THSD7A: variants seen among roughly 807,000 people sequenced by gnomAD.
The protein encoded by THSD7A is thrombospondin type-1 domain-containing protein 7A.
Under a neutral mutation model 231.3 loss-of-function variants are expected in THSD7A, and 96 were observed. That is an observed-to-expected ratio of 0.41 (90% CI 0.35 to 0.49). THSD7A has a LOEUF of 0.49. THSD7A is among the 20% of genes least tolerant of loss of function. The pLI is 0.05. For synonymous variants in THSD7A, 940 were observed against 743.3 expected (o/e 1.26, Z -4.30); for missense variants, 2,290 against 2,070.2 (o/e 1.11, Z -2.06).
chr7:11,685,600 G>A (rs951547366), intron 1 of THSD7A, among the ~76,000 whole-genome samples: 1 of 151,832 alleles, frequency 6.6e-6, no homozygotes, highest in African/African-American at 2.4e-5. Context: ...TACACAAGCA[G>A]CCAACAAACA....
Position 11,463,969 on chromosome 7 carries a change from T to G in THSD7A, c.2369-1826A>C, listed in dbSNP as rs535887638. On this transcript the variant is annotated intron_variant, in intron 9 of 27. Coordinates refer to ENST00000423059, the MANE Select transcript of THSD7A (RefSeq NM_015204.3). Reference sequence around the variant, plus strand: ...TGTAAAGAATCCATTGTACTTCTATTTTTTGCTTTGGTCACCAGAATCTCA... The same window carrying G: ...TGTAAAGAATCCATTGTACTTCTATGTTTTGCTTTGGTCACCAGAATCTCA... Among the ~76,000 whole-genome samples the G allele has an allele frequency of 4.6e-5, 7 of 152,250 alleles. No homozygotes were observed. In the South Asian group the frequency reaches 1.5e-3, roughly 32 times the overall value.
rs1393145788 is a variant in THSD7A at position 11,474,676 on chromosome 7, T to C, written c.2018-108A>G. ...CTTAGAAATAAAAAGTGACTTTTCTTCCCCACATCAAGTTCATAAATACAC... is the reference window on the plus strand; with the variant it reads ...CTTAGAAATAAAAAGTGACTTTTCTCCCCCACATCAAGTTCATAAATACAC... On this transcript the variant is annotated intron_variant, in intron 7 of 27. Transcript: ENST00000423059. The surrounding 1 kb of genome is among the most constrained non-coding windows in gnomAD (Gnocchi z 4.1). 3 of 857,072 alleles carry C rather than the reference T, an allele frequency of 3.5e-6. No homozygotes were observed. The highest frequency in any genetic ancestry group is 3.0e-5 in the Admixed American group (1 of 33,676). 53.1% of individuals were successfully genotyped at this position (857,072 alleles called of 1,614,324 possible).
At chr7:11,532,382 G>C (rs1788743921) in intron 6 of THSD7A, among the ~76,000 whole-genome samples, 1 of 152,150 alleles carries the variant, frequency 6.6e-6, no homozygotes, top group Non-Finnish European at 1.5e-5. Flanking sequence ...GCAATGAGAT[G>C]CTGCTTTAAG....
At chr7:11,674,429 G>C (rs903256799) in intron 1 of THSD7A, among the ~76,000 whole-genome samples, 3 of 152,084 alleles carry the variant, frequency 2.0e-5, no homozygotes, top group African/African-American at 7.2e-5. Flanking sequence ...TAGCCTCAGA[G>C]GGTGAACACA....
intron 1 of THSD7A, among the ~76,000 whole-genome samples, chr7:11,641,796 G>A (rs982195330): frequency 2.6e-5 from 4 of 151,614 alleles, no homozygotes; most frequent in Non-Finnish European, 4.4e-5. Context: ...TAAACCCATC[G>A]TCCACCTTGT....
chr7:11,829,324 C>A (rs533000867), intron 1 of THSD7A, among the ~76,000 whole-genome samples: 48 of 152,130 alleles, frequency 3.2e-4, no homozygotes, highest in African/African-American at 1.1e-3. Flanking sequence ...CTGACATATG[C>A]ATTCATATAT....
At chr7:11,667,424 CT>C (rs1195433869) in intron 1 of THSD7A, among the ~76,000 whole-genome samples, 1 of 152,094 alleles carries the variant, frequency 6.6e-6, no homozygotes, top group African/African-American at 2.4e-5. Context: ...TGTACTTTAT[CT>C]TTTATAAACT....
At chr7:11,503,275 C>T (rs1787412886) in intron 6 of THSD7A, among the ~76,000 whole-genome samples, 1 of 152,182 alleles carries the variant, frequency 6.6e-6, no homozygotes, top group Admixed American at 6.5e-5. Flanking sequence ...AAGATTGAAG[C>T]TGGACCCCTT....
Position 11,372,885 on chromosome 7 carries a change from A to G in THSD7A, c.*2909T>C, listed in dbSNP as rs552361228. ...ATAAGGCCATTTTCATGTTATAAAC[A>G]TGAATATAATAACCTTCCCTTTGTC... is the stretch of plus-strand genomic sequence containing the variant. On this transcript the variant is annotated 3_prime_UTR_variant, in exon 28 of 28. Coordinates refer to ENST00000423059, the MANE Select transcript of THSD7A (RefSeq NM_015204.3). 1.3e-3 allele frequency: 201 copies of G among 152,192 alleles called. No individual in the cohort carries two copies. The highest frequency in any genetic ancestry group is 4.5e-3 in the African/African-American group (189 of 41,568). 9.4% of individuals were successfully genotyped at this position (152,192 alleles called of 1,614,324 possible). A position where few individuals can be genotyped will look rare whatever the true frequency, so the allele number is the denominator to read the frequency against.
chr7:11,526,189 T>G (rs1461087119), intron 6 of THSD7A, among the ~76,000 whole-genome samples: 1 of 152,178 alleles, frequency 6.6e-6, no homozygotes, highest in Non-Finnish European at 1.5e-5. Context: ...CAAAGATTCA[T>G]CTCCTCCAGC....
chr7:11,596,471 T>C lies in THSD7A; in HGVS notation c.1023-2969A>G, dbSNP rs1584051552. 3.3e-5 allele frequency among the ~76,000 whole-genome samples: 5 copies of C among 152,262 alleles called. No homozygotes were observed. In the South Asian group the frequency reaches 8.3e-4, roughly 25 times the overall value. On this transcript the variant is annotated intron_variant, in intron 2 of 27. Transcript: ENST00000423059. ...CCAGGGCCAGAATGCATAATTGGCA[T>C]AGACATACTTAGCAGCGGACAGAAC...
chr7:11,535,766 A>G (rs1226497757), intron 6 of THSD7A, among the ~76,000 whole-genome samples: 1 of 152,152 alleles, frequency 6.6e-6, no homozygotes, highest in Non-Finnish European at 1.5e-5. Context: ...CCAGTTCCAA[A>G]GAATGATCAT....
intron 1 of THSD7A, among the ~76,000 whole-genome samples, chr7:11,695,640 G>A (rs1462699434): frequency 6.6e-6 from 1 of 151,512 alleles, no homozygotes; most frequent in Non-Finnish European, 1.5e-5. Flanking sequence ...GATGAAGGGA[G>A]AGTAATTTAT....
At chr7:11,741,346 A>G (rs967601862) in intron 1 of THSD7A, among the ~76,000 whole-genome samples, 2 of 151,936 alleles carry the variant, frequency 1.3e-5, no homozygotes, top group Non-Finnish European at 2.9e-5. Flanking sequence ...TTAATCTAAA[A>G]GATTCATGCC....
At chr7:11,683,120 C>CAAA (rs71027424) in intron 1 of THSD7A, among the ~76,000 whole-genome samples, 33 of 99,618 alleles carry the variant, frequency 3.3e-4, no homozygotes, top group African/African-American at 1.0e-3. Context: ...GACTCCATCT[C>CAAA]AAAAAAAAAA....
chr7:11,726,526 C>A (rs1781553520), intron 1 of THSD7A, among the ~76,000 whole-genome samples: 2 of 151,124 alleles, frequency 1.3e-5, no homozygotes. Context: ...GGTCTGCATG[C>A]AGACAGATGC....
chr7:11,821,367 T>TA (rs1784867736), intron 1 of THSD7A: 2 of 607,944 alleles, frequency 3.3e-6, no homozygotes, highest in South Asian at 3.4e-5. Context: ...GATGACTTTT[T>TA]ATCTCTTCTC....
chr7:11,636,790 A>G lies in THSD7A; in HGVS notation c.362T>C (p.Leu121Ser). The G allele has an allele frequency of 1.2e-6, 2 of 1,613,980 alleles. No homozygotes were observed. Among genetic ancestry groups the G allele is most frequent in the Non-Finnish European group, 1.7e-6 (2 of 1,179,882 alleles). The change falls in exon 2 of 28, where the codon TTG becomes TCG. Residue 121 changes from leucine to serine, a missense_variant. Physicochemically the swap from Leu to Ser is moderately radical, Grantham distance 145. Transcript: ENST00000423059. This position sits in a 1 kb window ranked among gnomAD's most constrained non-coding sequence, Gnocchi z 10.0. ...CFKVCDWHKE[L>S]YDWRLGPWNQ... Reference sequence around the variant, plus strand: ...CCAAGGTCCCAGTCTCCAGTCGTACAACTCTTTGTGCCAATCGCAAACTTT... The same window carrying G: ...CCAAGGTCCCAGTCTCCAGTCGTACGACTCTTTGTGCCAATCGCAAACTTT...
chr7:11,464,610 G>A (rs554826006), intron 9 of THSD7A, among the ~76,000 whole-genome samples: 1 of 152,158 alleles, frequency 6.6e-6, no homozygotes, highest in African/African-American at 2.4e-5. Context: ...CCACAAATTA[G>A]TACTAGATAT....
Sources: gnomAD v4.1 joint callset for allele counts (sites outside exome capture counted in the v4.1 genomes callset) on GRCh38, gnomAD v4.1.1 for gene constraint, Gnocchi (gnomAD v3.1) non-coding constraint, MANE v1.5 for transcripts, NCBI Gene and HGNC (gene_info 2026-07-23, HGNC 2026-07-21) for gene names.